FAM184A: variants seen among roughly 807,000 people sequenced by gnomAD.
The protein encoded by FAM184A is protein FAM184A.
A neutral mutation model predicts 143.8 loss-of-function variants in FAM184A; 99 were observed. That is an observed-to-expected ratio of 0.69 (90% CI 0.58 to 0.81). The LOEUF (loss-of-function observed/expected upper bound fraction) is 0.81. FAM184A is among the 40% of genes least tolerant of loss of function. The pLI is 0.00. For missense variants in FAM184A, 1,217 were observed against 1,310.5 expected (o/e 0.93, Z 1.10); for synonymous variants, 427 against 446.4 (o/e 0.96, Z 0.55).
chr6:119,061,044 T>G (rs963464536), intron 1 of FAM184A, among the ~76,000 whole-genome samples: 5 of 152,210 alleles, frequency 3.3e-5, no homozygotes, highest in African/African-American at 1.2e-4. Context: ...GAAATGTGTA[T>G]GAGTAGCTTG....
At chr6:118,994,348 A>AATAC (rs1402732499) in intron 9 of FAM184A, among the ~76,000 whole-genome samples, 2 of 151,800 alleles carry the variant, frequency 1.3e-5, no homozygotes, top group African/African-American at 4.8e-5. Context: ...TAAATAAATA[A>AATAC]ATAAATATGG....
At chr6:119,063,263 T>C (rs1468978722) in intron 1 of FAM184A, among the ~76,000 whole-genome samples, 1 of 152,142 alleles carries the variant, frequency 6.6e-6, no homozygotes, top group Non-Finnish European at 1.5e-5. Flanking sequence ...CTGTAAAATT[T>C]GTGTTGTTTA....
rs551198726 is a variant in FAM184A, at chr6:119,032,930, T to C, written c.160-8117A>G. Among the ~76,000 whole-genome samples, 13 of 152,274 alleles carry C rather than the reference T, an allele frequency of 8.5e-5. 1 individual carries two copies. In the South Asian group the frequency reaches 2.7e-3, roughly 32 times the overall value. On this transcript the variant is annotated intron_variant, in intron 1 of 17. Coordinates refer to ENST00000338891, the MANE Select transcript of FAM184A (RefSeq NM_024581.6). ...TAAAGAATATTGAAAACTCTCAAAC[T>C]TCTCAAAAACAGTGGGTTACTTCCT...
intron 1 of FAM184A, among the ~76,000 whole-genome samples, chr6:119,025,199 G>T (rs1308584557): frequency 6.6e-6 from 1 of 152,174 alleles, no homozygotes; most frequent in Non-Finnish European, 1.5e-5. Context: ...AGGAGAAAAA[G>T]TCTCATAGTA....
rs1322270959 is a variant in FAM184A, at chr6:119,078,201, G to A, written c.99C>T (p.Ser33=). 1 of 1,576,232 alleles carries A rather than the reference G, an allele frequency of 6.3e-7. No individual in the cohort carries two copies. The highest frequency in any genetic ancestry group is 1.8e-5 in the Admixed American group (1 of 55,784). Residue 33 remains serine, a synonymous_variant, in exon 1 of 18, where the codon AGC becomes AGT. Transcript: ENST00000338891. This position sits in a 1 kb window ranked among gnomAD's most constrained non-coding sequence, Gnocchi z 5.5. ...SPATAQLAGH[S]MDYSQEMHLK... is the part of the protein sequence containing the mutation. Reference sequence around the variant, plus strand: ...GGTGCATCTCCTGGCTGTAGTCCATGCTGTGCCCAGCCAGCTGTGCGGTGG... The same window carrying A: ...GGTGCATCTCCTGGCTGTAGTCCATACTGTGCCCAGCCAGCTGTGCGGTGG...
intron 14 of FAM184A, among the ~76,000 whole-genome samples, chr6:118,969,261 A>G (rs745479321): frequency 1.3e-5 from 2 of 152,122 alleles, no homozygotes; most frequent in Non-Finnish European, 2.9e-5. Flanking sequence ...TTTATAAATT[A>G]CCCAGTCTCG....
chr6:119,095,918 G>A (rs1436351583), intron 1 of FAM184A, among the ~76,000 whole-genome samples: 1 of 152,092 alleles, frequency 6.6e-6, no homozygotes, highest in East Asian at 1.9e-4. Flanking sequence ...GCCTTCCAAT[G>A]GGCGCAATTA....
intron 1 of FAM184A, among the ~76,000 whole-genome samples, chr6:119,113,708 A>G (rs551057967): frequency 6.6e-5 from 10 of 152,256 alleles, no homozygotes; most frequent in African/African-American, 2.4e-4. Flanking sequence ...TGGGAGGCCG[A>G]GGTGAGTGGA....
intron 1 of FAM184A, among the ~76,000 whole-genome samples, chr6:119,040,505 G>A (rs995555649): frequency 6.6e-6 from 1 of 152,144 alleles, no homozygotes; most frequent in African/African-American, 2.4e-5. Flanking sequence ...GCTTGCAAGG[G>A]TGGCAGGGAC....
intron 1 of FAM184A, among the ~76,000 whole-genome samples, chr6:119,117,990 A>G (rs1789105411): frequency 6.6e-6 from 1 of 152,166 alleles, no homozygotes; most frequent in Non-Finnish European, 1.5e-5. Flanking sequence ...GATCACCCAG[A>G]GGGTCAAGAA....
chr6:119,091,098 G>C (rs1788352235), intron 1 of FAM184A, among the ~76,000 whole-genome samples: 1 of 152,204 alleles, frequency 6.6e-6, no homozygotes, highest in South Asian at 2.1e-4. Flanking sequence ...CATAGCTACA[G>C]GTCCTGTGAG....
At chr6:118,961,560 CTGAT>C (rs1783325949) in intron 17 of FAM184A, among the ~76,000 whole-genome samples, 197 bp downstream of exon 17, 1 of 151,854 alleles carries the variant, frequency 6.6e-6, no homozygotes, top group Non-Finnish European at 1.5e-5. Context: ...AGAAAATTGA[CTGAT>C]GACCACAAAT....
chr6:118,986,576 A>G (rs1784203270), intron 9 of FAM184A, among the ~76,000 whole-genome samples: 1 of 152,222 alleles, frequency 6.6e-6, no homozygotes, highest in Non-Finnish European at 1.5e-5. Flanking sequence ...ATGTTATAAA[A>G]GAGATTTCAT....
At chr6:119,041,574 G>A (rs1249428470) in intron 1 of FAM184A, among the ~76,000 whole-genome samples, 2 of 152,144 alleles carry the variant, frequency 1.3e-5, no homozygotes, top group Non-Finnish European at 2.9e-5. Flanking sequence ...CTTTGTATGG[G>A]AGCTCTGTTT....
intron 1 of FAM184A, among the ~76,000 whole-genome samples, chr6:119,127,958 C>A (rs1417496267): frequency 1.3e-5 from 2 of 152,184 alleles, no homozygotes; most frequent in Non-Finnish European, 2.9e-5. Context: ...CCTCAACCAA[C>A]TAAATGGACC....
intron 1 of FAM184A, among the ~76,000 whole-genome samples, chr6:119,142,364 A>C (rs1772274506): frequency 6.6e-6 from 1 of 152,200 alleles, no homozygotes. Flanking sequence ...GCAATGCAGC[A>C]GAGGGTGTAT....
chr6:119,078,046 G>T lies in FAM184A; in HGVS notation c.159+95C>A. ...TCGGCGGAGGAGTAGAGTTCCCCTCGCTGCGGGCGCAGGGCGCACTGCCTC... is the reference window on the plus strand; with the variant it reads ...TCGGCGGAGGAGTAGAGTTCCCCTCTCTGCGGGCGCAGGGCGCACTGCCTC... On this transcript the variant is annotated intron_variant, in intron 1 of 17. Transcript: ENST00000338891. This position sits in a 1 kb window ranked among gnomAD's most constrained non-coding sequence, Gnocchi z 5.5. The T allele has an allele frequency of 1.4e-6, 2 of 1,401,596 alleles. No homozygotes were observed. Among genetic ancestry groups the T allele is most frequent in the Non-Finnish European group, 9.5e-7 (1 of 1,050,386 alleles). The allele number at this position is 1,401,596 out of a possible 1,614,324, so 86.8% of individuals were successfully genotyped here.
intron 1 of FAM184A, among the ~76,000 whole-genome samples, chr6:119,130,905 A>G (rs1041833880): frequency 2.8e-5 from 4 of 143,566 alleles, no homozygotes; most frequent in South Asian, 2.2e-4. Flanking sequence ...CACCTAGGCT[A>G]GAGTGCAGTG....
intron 1 of FAM184A, among the ~76,000 whole-genome samples, chr6:119,129,857 A>G (rs897160225): frequency 3.3e-5 from 5 of 152,182 alleles, no homozygotes; most frequent in Admixed American, 2.6e-4. Context: ...CTTGCCCCCA[A>G]TCCACAAAAT....
Sources: allele counts gnomAD v4.1 joint callset (sites outside exome capture counted in the v4.1 genomes callset), GRCh38; gene constraint gnomAD v4.1.1; non-coding constraint Gnocchi (gnomAD v3.1); transcripts MANE v1.5; gene names NCBI Gene and HGNC (gene_info 2026-07-23, HGNC 2026-07-21).